The following UBR3 variants were observed in gnomAD, a reference collection of about 807,000 sequenced individuals.
UBR3 encodes the protein ubiquitin protein ligase E3 component n-recognin 3.
UBR3 carries 85 observed loss-of-function variants against 243.2 expected under a neutral mutation model. That is an observed-to-expected ratio of 0.35 (90% CI 0.29 to 0.42). UBR3 has a LOEUF of 0.42. UBR3 is among the 10% of genes least tolerant of loss of function. The pLI, the probability that UBR3 is intolerant of heterozygous loss-of-function variation, is 1.00. For synonymous variants in UBR3, 748 were observed against 799.8 expected, an observed-to-expected ratio of 0.94 and a Z score of 1.09; for missense variants, 1,686 against 2,300.8, an observed-to-expected ratio of 0.73 and a Z score of 5.47.
intron 22 of UBR3, among the ~76,000 whole-genome samples, chr2:169,948,321 C>T (rs978563720): frequency 5.3e-5 from 8 of 151,958 alleles, no homozygotes; most frequent in African/African-American, 1.9e-4. Context: ...GCAGCATGCT[C>T]ATTTGCAAAT....
At chr2:170,015,252 A>G (rs569178747) in intron 29 of UBR3, 29 bp from the exon 30 acceptor site, 2 of 1,541,414 alleles carry the variant, frequency 1.3e-6, no homozygotes, top group African/African-American at 1.4e-5. Flanking sequence ...CTTCAGTTTA[A>G]TGACTGAGAT....
chr2:170,065,572 CT>C (rs1378679295), intron 35 of UBR3, among the ~76,000 whole-genome samples: 2 of 152,072 alleles, frequency 1.3e-5, no homozygotes, highest in African/African-American at 2.4e-5. Context: ...GATTACAACA[CT>C]TTTAATAGAA....
chr2:170,013,266 A>G (rs2090138749), intron 29 of UBR3, among the ~76,000 whole-genome samples: 1 of 152,072 alleles, frequency 6.6e-6, no homozygotes, highest in Admixed American at 6.6e-5. Flanking sequence ...TTTGACATAT[A>G]TGAAACAAAG....
intron 23 of UBR3, among the ~76,000 whole-genome samples, chr2:169,953,046 T>C (rs916003564): frequency 1.3e-5 from 2 of 152,158 alleles, no homozygotes; most frequent in Non-Finnish European, 2.9e-5. Flanking sequence ...AAAATCTGTT[T>C]TTCTTGATTA....
intron 30 of UBR3, among the ~76,000 whole-genome samples, chr2:170,018,437 G>T (rs2090305793): frequency 6.6e-6 from 1 of 152,102 alleles, no homozygotes; most frequent in African/African-American, 2.4e-5. Context: ...CAGAGCTCTA[G>T]CCCTCCTCCT....
chr2:169,916,544 C>T (rs181581575), intron 11 of UBR3, among the ~76,000 whole-genome samples: 275 of 152,174 alleles, frequency 1.8e-3, no homozygotes, highest in African/African-American at 6.3e-3. Flanking sequence ...TCACCCTCTT[C>T]GTGCTTGAAA....
At chr2:170,062,417 CCATTA>C (rs1346276249) in intron 35 of UBR3, among the ~76,000 whole-genome samples, 1 of 152,116 alleles carries the variant, frequency 6.6e-6, no homozygotes, top group African/African-American at 2.4e-5. Context: ...AAGTAATTCA[CCATTA>C]CATTAAATAG....
Position 169,836,601 on chromosome 2 carries a change from G to A in UBR3, c.545+8549G>A, listed in dbSNP as rs373305686. On this transcript the variant is annotated intron_variant, in intron 1 of 38. Transcript: ENST00000272793. ...ACCACCACAGCAACCATTTACCTAT[G>A]TAACCTGTACATCCTGCACATGTAA... Among the ~76,000 whole-genome samples, 6 of 150,668 alleles carry A rather than the reference G, an allele frequency of 4.0e-5. No homozygotes were observed. In the South Asian group the frequency reaches 1.3e-3, roughly 32 times the overall value.
chr2:170,055,540 G>A lies in UBR3; in HGVS notation c.4741G>A (p.Glu1581Lys), dbSNP rs749222366. 1.5e-5 allele frequency: 24 copies of A among 1,613,648 alleles called. No homozygotes were observed. Among genetic ancestry groups the A allele is most frequent in the South Asian group, 6.6e-5 (6 of 91,078 alleles). Residue 1581 changes from glutamate (E) to lysine (K), a missense_variant, in exon 33 of 39, where the codon GAA becomes AAA. Physicochemically the swap from Glu to Lys is moderately conservative, Grantham distance 56. Around this residue, in one of 8 missense-constraint regions of UBR3, gnomAD observed 371 missense variants for 422.5 expected, o/e 0.88. Transcript: ENST00000272793. Reference sequence around the variant, plus strand: ...TGCAGCACTCTCAGTTAAATGCAGCGAAGAAGATAGGTCAGCCTGGAAACA... The same window carrying A: ...TGCAGCACTCTCAGTTAAATGCAGCAAAGAAGATAGGTCAGCCTGGAAACA... ...ALAALSVKCS[E>K]EDRSAWKHAG...
Position 169,829,672 on chromosome 2 carries a change from G to T in UBR3, c.545+1620G>T, listed in dbSNP as rs186695506. ...ACTCCCGACCTCAGGTGATCCGCCC[G>T]CGTCGGCCTCCCAAGTGCTGGGATT... On this transcript the variant is annotated intron_variant, in intron 1 of 38. Transcript: ENST00000272793. 3.3e-5 allele frequency among the ~76,000 whole-genome samples: 5 copies of T among 152,244 alleles called. No individual in the cohort carries two copies. The East Asian group carries it at 5.8e-4, about 18-fold the overall frequency.
At position 170,013,025 on chromosome 2, in the gene UBR3, CT is replaced by C. The variant is rs11409039; in HGVS notation, c.4368-2248del. Among the ~76,000 whole-genome samples the C allele has an allele frequency of 1.3e-4, 20 of 151,836 alleles. No individual in the cohort carries two copies. The East Asian group carries it at 3.3e-3, about 25-fold the overall frequency. On this transcript the variant is annotated intron_variant, in intron 29 of 38. Transcript: ENST00000272793. The stretch of plus-strand genomic sequence containing the variant: ...CTTTCAAATGTAGAGATTTTCGCCT[CT>C]TTTTTTTCTTCCAAACTAATTTGAA...
At position 170,043,502 on chromosome 2, in the gene UBR3, GAATA is replaced by G. The variant is rs539021330; in HGVS notation, c.4660+2521_4660+2524del. Among the ~76,000 whole-genome samples, 333 of 152,250 alleles carry G rather than the reference GAATA, an allele frequency of 2.2e-3. 1 individual carries two copies. Among genetic ancestry groups the G allele is most frequent in the African/African-American group, 7.6e-3 (314 of 41,554 alleles). On this transcript the variant is annotated intron_variant, in intron 32 of 38. Transcript: ENST00000272793. ...GATCTTAGTAATGGTTAAATAAATAGAATAAATTCAGGAAATCATCAATGTAAAA... is the reference window on the plus strand; with the variant it reads ...GATCTTAGTAATGGTTAAATAAATAGAATTCAGGAAATCATCAATGTAAAA...
chr2:169,875,670 T>C, intron 2 of UBR3, 121 bp from the exon 3 acceptor site: 1 of 1,006,346 alleles, frequency 9.9e-7, no homozygotes, highest in Non-Finnish European at 1.4e-6. Context: ...ATTGACTTTT[T>C]TGATTATAAA....
chr2:169,905,564 AG>A (rs1398067372), intron 9 of UBR3, among the ~76,000 whole-genome samples: 7 of 152,182 alleles, frequency 4.6e-5, no homozygotes, highest in Non-Finnish European at 7.4e-5. Context: ...TAGTAGAGAC[AG>A]GGTCTCACTA....
chr2:169,838,596 A>G (rs1269173533), intron 1 of UBR3, among the ~76,000 whole-genome samples: 1 of 152,158 alleles, frequency 6.6e-6, no homozygotes, highest in African/African-American at 2.4e-5. Flanking sequence ...ATACCACCAC[A>G]GTGGAGATTA....
chr2:169,942,456 G>C (rs1426737573), intron 19 of UBR3, 37 bp from the exon 20 acceptor site: 1 of 1,514,662 alleles, frequency 6.6e-7, no homozygotes, highest in Admixed American at 2.2e-5. Context: ...TGATTTTGAG[G>C]CTATCATCTA....
At chr2:169,848,350 T>G (rs1296879360) in intron 1 of UBR3, among the ~76,000 whole-genome samples, 3 of 151,110 alleles carry the variant, frequency 2.0e-5, no homozygotes, top group African/African-American at 7.3e-5. Flanking sequence ...TTTTTTTTTT[T>G]GCCTTTAGGG....
chr2:169,844,995 T>G (rs1024186023), intron 1 of UBR3, among the ~76,000 whole-genome samples: 2 of 152,212 alleles, frequency 1.3e-5, no homozygotes, highest in Admixed American at 6.5e-5. Context: ...TAATAAGATA[T>G]AATGCAATAA....
chr2:170,005,468 A>G (rs1211663770), intron 27 of UBR3, among the ~76,000 whole-genome samples: 3 of 152,220 alleles, frequency 2.0e-5, no homozygotes, highest in East Asian at 1.9e-4. Flanking sequence ...GAAAGGACAC[A>G]TAGAGGGCGA....
Sources: gnomAD v4.1 joint callset for allele counts (sites outside exome capture counted in the v4.1 genomes callset) on GRCh38, gnomAD v4.1.1 for gene constraint, gnomAD v4.1.1 regional missense constraint, MANE v1.5 for transcripts, NCBI Gene and HGNC (gene_info 2026-07-23, HGNC 2026-07-21) for gene names.